Variants in IL22RA2 observed in about 807,000 individuals in gnomAD.
The protein encoded by IL22RA2 is interleukin-22 receptor subunit alpha-2.
Under a neutral mutation model 30.7 loss-of-function variants are expected in IL22RA2, and 39 were observed. The ratio of observed to expected loss-of-function variants is 1.27; its 90% confidence interval spans 0.98 to 1.66. The LOEUF is 1.66. IL22RA2 is among the 40% of genes most tolerant of loss of function. The probability of loss-of-function intolerance (pLI) is 0.00; values close to 1 mark genes in which losing one functional copy is unlikely to be tolerated. For synonymous variants in IL22RA2, 103 were observed against 105.0 expected (o/e 0.98, Z 0.11); for missense variants, 315 against 312.7 (o/e 1.01, Z -0.05).
chr6:137,161,854 G>T (rs950865796), intron 1 of IL22RA2, 40 bp from the exon 2 acceptor site: 3 of 733,506 alleles, frequency 4.1e-6, no homozygotes, highest in Non-Finnish European at 6.9e-6. Flanking sequence ...CCGGGTTTAA[G>T]GCAGATGGTT....
chr6:137,161,430 G>A (rs1312859419), intron 2 of IL22RA2, among the ~76,000 whole-genome samples: 3 of 152,058 alleles, frequency 2.0e-5, no homozygotes, highest in Non-Finnish European at 4.4e-5. Flanking sequence ...GAGAGAGAGA[G>A]AAATGGATGT....
intron 4 of IL22RA2, 117 bp downstream of exon 4, chr6:137,156,642 A>G (rs926017507): frequency 1.5e-6 from 2 of 1,369,752 alleles, no homozygotes; most frequent in African/African-American, 1.4e-5. Flanking sequence ...AAAATCCCTT[A>G]GAGACAGGAA....
chr6:137,158,814 T>C (rs1778462889), intron 2 of IL22RA2, among the ~76,000 whole-genome samples: 1 of 152,132 alleles, frequency 6.6e-6, no homozygotes, highest in African/African-American at 2.4e-5. Context: ...ATGACTGAGA[T>C]GAAAGACCCA....
Position 137,158,339 on chromosome 6 carries a change from T to A in IL22RA2, c.197+8A>T. On this transcript the variant is annotated splice_region_variant and intron_variant, in intron 3 of 6. Coordinates refer to ENST00000296980, the MANE Select transcript of IL22RA2 (RefSeq NM_052962.3). ...CTCTATCAGCTGAAGGAGGCTCAATTTACTTACATTTTGTACTGCACAAAA... is the reference window on the plus strand; with the variant it reads ...CTCTATCAGCTGAAGGAGGCTCAATATACTTACATTTTGTACTGCACAAAA... The A allele has an allele frequency of 6.2e-7, 1 of 1,613,956 alleles. No homozygotes were observed. The highest frequency in any genetic ancestry group is 1.1e-5 in the South Asian group (1 of 91,080).
chr6:137,158,307 G>A (rs753723324), intron 3 of IL22RA2, 40 bp downstream of exon 3: 2 of 1,610,396 alleles, frequency 1.2e-6, no homozygotes, highest in South Asian at 1.1e-5. Context: ...TGTTATCCCA[G>A]TGCCATCTCT....
chr6:137,161,630 T>A (rs368501772), intron 2 of IL22RA2, 59 bp downstream of exon 2: 16 of 1,413,614 alleles, frequency 1.1e-5, no homozygotes, highest in Non-Finnish European at 1.4e-5. Context: ...TTCCAACAGA[T>A]CCTTGATTGG....
chr6:137,169,738 T>C (rs1172487523), intron 1 of IL22RA2, among the ~76,000 whole-genome samples: 1 of 152,210 alleles, frequency 6.6e-6, no homozygotes, highest in Middle Eastern at 3.2e-3. Flanking sequence ...GCCTGAGCCT[T>C]AGACTTGCTA....
chr6:137,146,509 C>T (rs370779509), intron 6 of IL22RA2, among the ~76,000 whole-genome samples: 4 of 152,198 alleles, frequency 2.6e-5, no homozygotes, highest in African/African-American at 7.2e-5. Context: ...CGGCACTCTA[C>T]GTCCTGCCTC....
At chr6:137,156,569 G>A (rs1306027672) in intron 4 of IL22RA2, among the ~76,000 whole-genome samples, 190 bp downstream of exon 4, 1 of 152,134 alleles carries the variant, frequency 6.6e-6, no homozygotes, top group African/African-American at 2.4e-5. Context: ...CAGTATTATA[G>A]CCCATGAACT....
In IL22RA2 at chr6:137,144,314, A is replaced by T. The variant is rs1325076813; in HGVS notation, c.*1310T>A. The T allele has an allele frequency of 6.6e-6, 1 of 152,082 alleles. No individual in the cohort carries two copies. Among genetic ancestry groups the T allele is most frequent in the Admixed American group, 6.6e-5 (1 of 15,256 alleles). 9.4% of individuals were successfully genotyped at this position (152,082 alleles called of 1,614,324 possible). On this transcript the variant is annotated 3_prime_UTR_variant, in exon 7 of 7. Coordinates refer to ENST00000296980, the MANE Select transcript of IL22RA2 (RefSeq NM_052962.3). Reference sequence around the variant, plus strand: ...GCCTCTTATTCTCCTCCACCCCCCAATACATTTCTGAATATTTTTTAATCC... The same window carrying T: ...GCCTCTTATTCTCCTCCACCCCCCATTACATTTCTGAATATTTTTTAATCC...
rs185867714 is a variant in IL22RA2 at position 137,165,942 on chromosome 6, A to G, written c.-65-4128T>C. On this transcript the variant is annotated intron_variant, in intron 1 of 6. Transcript: ENST00000296980. Reference sequence around the variant, plus strand: ...CAAGGGCTTTTGTGTGAAATCCCCTACCTAACCTTGGAGACTATGAATACT... The same window carrying G: ...CAAGGGCTTTTGTGTGAAATCCCCTGCCTAACCTTGGAGACTATGAATACT... Among the ~76,000 whole-genome samples the G allele has an allele frequency of 1.2e-3, 185 of 152,262 alleles. 6 individuals are homozygous for G. The South Asian group carries it at 0.02, about 17-fold the overall frequency.
At chr6:137,145,891 C>T in intron 6 of IL22RA2, 118 bp from the exon 7 acceptor site, 1 of 1,032,924 alleles carries the variant, frequency 9.7e-7, no homozygotes, top group East Asian at 2.5e-5. Flanking sequence ...TGTGGGGTTT[C>T]TTCCCAGACA....
intron 1 of IL22RA2, among the ~76,000 whole-genome samples, chr6:137,166,773 G>C (rs1163077734): frequency 6.6e-6 from 1 of 152,216 alleles, no homozygotes; most frequent in East Asian, 1.9e-4. Flanking sequence ...AACACATATG[G>C]GAAAAACTGC....
At chr6:137,163,911 G>A (rs934370409) in intron 1 of IL22RA2, among the ~76,000 whole-genome samples, 4 of 152,130 alleles carry the variant, frequency 2.6e-5, no homozygotes, top group Non-Finnish European at 4.4e-5. Context: ...GCTCCCAGGC[G>A]AGTGTGGGAA....
chr6:137,170,600 C>T (rs1203153345), intron 1 of IL22RA2, among the ~76,000 whole-genome samples: 1 of 152,150 alleles, frequency 6.6e-6, no homozygotes, highest in Non-Finnish European at 1.5e-5. Context: ...TAGTTCCCAC[C>T]TTAAGATATT....
intron 5 of IL22RA2, among the ~76,000 whole-genome samples, chr6:137,154,620 A>AACAC (rs10682551): frequency 0.14 from 20,429 of 148,418 alleles, 1,456 homozygotes; most frequent in Non-Finnish European, 0.17. Context: ...GTCACACACA[A>AACAC]ACACACACAC....
rs979803994 is a variant in IL22RA2, at chr6:137,144,441, T to C, written c.*1183A>G. 6.6e-6 allele frequency: 1 copy of C among 152,268 alleles called. No homozygotes were observed. Among genetic ancestry groups the C allele is most frequent in the East Asian group, 1.9e-4 (1 of 5,208 alleles). 9.4% of individuals were successfully genotyped at this position (152,268 alleles called of 1,614,324 possible). A position where few individuals can be genotyped will look rare whatever the true frequency, so the allele number is the denominator to read the frequency against. ...AATTGTACAAATGTTCTCTGATATG[T>C]ATCTCCTCACTAGAAAGACAACCTT... On this transcript the variant is annotated 3_prime_UTR_variant, in exon 7 of 7. Coordinates refer to ENST00000296980, the MANE Select transcript of IL22RA2 (RefSeq NM_052962.3).
chr6:137,158,265 C>A, intron 3 of IL22RA2, 82 bp downstream of exon 3: 1 of 1,527,670 alleles, frequency 6.5e-7, no homozygotes, highest in Non-Finnish European at 9.0e-7. Context: ...AAAAAAAGCT[C>A]GGATCCTAAC....
Position 137,145,440 on chromosome 6 carries a change from A to G in IL22RA2, c.*184T>C. On this transcript the variant is annotated 3_prime_UTR_variant, in exon 7 of 7. Coordinates refer to ENST00000296980, the MANE Select transcript of IL22RA2 (RefSeq NM_052962.3). ...TTTTCGGGGGGAATGTCGTTCAAAT[A>G]TAGTTTACAAATGAAATATAAAGGA... 5.9e-6 allele frequency: 3 copies of G among 507,534 alleles called. No homozygotes were observed. Among genetic ancestry groups the G allele is most frequent in the East Asian group, 3.5e-5 (1 of 28,272 alleles). The allele number at this position is 507,534 out of a possible 1,614,324, so 31.4% of individuals were successfully genotyped here. A position where few individuals can be genotyped will look rare whatever the true frequency, so the allele number is the denominator to read the frequency against.
Sources: gnomAD v4.1 joint callset for allele counts (sites outside exome capture counted in the v4.1 genomes callset) on GRCh38, gnomAD v4.1.1 for gene constraint, MANE v1.5 for transcripts, NCBI Gene and HGNC (gene_info 2026-07-23, HGNC 2026-07-21) for gene names.